PHF20L1: variants seen among roughly 807,000 people sequenced by gnomAD.
PHF20L1 encodes PHD finger protein 20-like protein 1.
PHF20L1 carries 44 observed loss-of-function variants against 125.5 expected under a neutral mutation model. The observed-to-expected ratio is 0.35, with a 90% CI of 0.28 to 0.45. PHF20L1 has a LOEUF of 0.45. Ranked by LOEUF, PHF20L1 falls within the 20% of genes least tolerant of loss-of-function variation. The probability of loss-of-function intolerance (pLI) is 1.00; values close to 1 mark genes in which losing one functional copy is unlikely to be tolerated. For synonymous variants in PHF20L1, 380 were observed against 403.1 expected, an observed-to-expected ratio of 0.94 and a Z score of 0.69; for missense variants, 1,012 against 1,217.2, an observed-to-expected ratio of 0.83 and a Z score of 2.51.
At chr8:132,823,968 C>G in intron 12 of PHF20L1, 36 bp from the exon 13 acceptor site, 1 of 1,292,288 alleles carries the variant, frequency 7.7e-7, no homozygotes, top group South Asian at 1.3e-5. Flanking sequence ...TTAAGTTTTT[C>G]TGATTAAACT....
chr8:132,776,894 G>C (rs1265033427), intron 1 of PHF20L1, among the ~76,000 whole-genome samples: 1 of 152,058 alleles, frequency 6.6e-6, no homozygotes, highest in Non-Finnish European at 1.5e-5. Flanking sequence ...ATCTCAAAAT[G>C]TATTCATATT....
intron 14 of PHF20L1, among the ~76,000 whole-genome samples, chr8:132,825,754 C>G (rs992328386): frequency 6.6e-6 from 1 of 151,968 alleles, no homozygotes; most frequent in African/African-American, 2.4e-5. Flanking sequence ...ATTTGAGAAA[C>G]CAACAGAATT....
At chr8:132,811,282 G>A (rs1421689167) in intron 9 of PHF20L1, 154 bp downstream of exon 9, 4 of 1,395,976 alleles carry the variant, frequency 2.9e-6, no homozygotes, top group Non-Finnish European at 3.7e-6. Context: ...CTTCTCCAAG[G>A]TATACAGATA....
At position 132,804,661 on chromosome 8, in the gene PHF20L1, G is replaced by A. The variant is rs143015316; in HGVS notation, c.768G>A (p.Glu256=). Reference sequence around the variant, plus strand: ...CAAAGATGGTCTTTCCACAGCCAGAGAGCACATTATCAAACAAGAGGAAAA... The same window carrying A: ...CAAAGATGGTCTTTCCACAGCCAGAAAGCACATTATCAAACAAGAGGAAAA... The part of the protein sequence containing the change: ...NVPKMVFPQP[E]STLSNKRKNN... The change falls in exon 8 of 21, where the codon GAG becomes GAA. Residue 256 remains glutamate (E), a synonymous_variant. Transcript: ENST00000395386. 160 of 1,608,976 alleles carry A rather than the reference G, an allele frequency of 9.9e-5. No individual in the cohort carries two copies. The highest frequency in any genetic ancestry group is 1.2e-5 in the Non-Finnish European group (14 of 1,176,300).
At chr8:132,820,900 A>T (rs1217673449) in intron 12 of PHF20L1, among the ~76,000 whole-genome samples, 2 of 151,958 alleles carry the variant, frequency 1.3e-5, no homozygotes, top group African/African-American at 2.4e-5. Flanking sequence ...GAGCCATTTT[A>T]AAAAGTTATT....
At chr8:132,780,005 A>G (rs992935401) in intron 2 of PHF20L1, among the ~76,000 whole-genome samples, 6 of 152,208 alleles carry the variant, frequency 3.9e-5, no homozygotes, top group African/African-American at 1.2e-4. Flanking sequence ...ACATATTATC[A>G]CTGAAACTTG....
chr8:132,821,522 G>A (rs1168996183), intron 12 of PHF20L1, among the ~76,000 whole-genome samples: 2 of 151,816 alleles, frequency 1.3e-5, no homozygotes, highest in Non-Finnish European at 2.9e-5. Flanking sequence ...TTGTTTTTCA[G>A]TTTATTTTCC....
Position 132,798,759 on chromosome 8 carries a change from G to T in PHF20L1, c.341-13G>T. 6.5e-7 allele frequency: 1 copy of T among 1,539,264 alleles called. No homozygotes were observed. Among genetic ancestry groups the T allele is most frequent in the Non-Finnish European group, 9.0e-7 (1 of 1,117,072 alleles). On this transcript the variant is annotated splice_polypyrimidine_tract_variant and intron_variant, in intron 4 of 20. Coordinates refer to ENST00000395386, the MANE Select transcript of PHF20L1 (RefSeq NM_016018.5). Reference sequence around the variant, plus strand: ...TTATATTTTCTAATGATTCTGACTTGCTCCTGTTTCAGGAACATTTACAGT... The same window carrying T: ...TTATATTTTCTAATGATTCTGACTTTCTCCTGTTTCAGGAACATTTACAGT...
At chr8:132,787,373 GTTC>G (rs1831172726) in intron 2 of PHF20L1, among the ~76,000 whole-genome samples, 1 of 152,062 alleles carries the variant, frequency 6.6e-6, no homozygotes, top group South Asian at 2.1e-4. Flanking sequence ...AGCTAATTCT[GTTC>G]TTCTCTTTGT....
intron 9 of PHF20L1, chr8:132,812,462 AAAAG>A (rs1834508286): frequency 2.0e-6 from 2 of 984,862 alleles, no homozygotes; most frequent in Non-Finnish European, 2.4e-6. Flanking sequence ...TTGAATTTAA[AAAAG>A]AAAGGAAAAT....
intron 4 of PHF20L1, among the ~76,000 whole-genome samples, chr8:132,797,644 T>C (rs1390499901): frequency 2.0e-5 from 3 of 152,096 alleles, no homozygotes; most frequent in Non-Finnish European, 4.4e-5. Flanking sequence ...ACATCCTTGC[T>C]ATTCGCCTGA....
Position 132,775,460 on chromosome 8 carries a change from G to A in PHF20L1, c.-223G>A. Reference sequence around the variant, plus strand: ...GACCCTGAGCGAGCTTGAGGGCTCGGACCCAGCTCCCTCCCGCGAAACCTT... The same window carrying A: ...GACCCTGAGCGAGCTTGAGGGCTCGAACCCAGCTCCCTCCCGCGAAACCTT... On this transcript the variant is annotated 5_prime_UTR_variant, in exon 1 of 21. Coordinates refer to ENST00000395386, the MANE Select transcript of PHF20L1 (RefSeq NM_016018.5). The A allele has an allele frequency of 2.6e-6, 1 of 381,870 alleles. No homozygotes were observed. The highest frequency in any genetic ancestry group is 3.8e-5 in the East Asian group (1 of 26,308). The allele number at this position is 381,870 out of a possible 1,614,324, so 23.7% of individuals were successfully genotyped here.
chr8:132,808,435 TTGAG>T (rs1833980709), intron 8 of PHF20L1: 1 of 152,036 alleles, frequency 6.6e-6, no homozygotes, highest in African/African-American at 2.4e-5. Context: ...ATTTCATCTA[TTGAG>T]TATTAAAAAG....
intron 19 of PHF20L1, chr8:132,843,294 G>C (rs1005043661): frequency 2.0e-6 from 2 of 984,914 alleles, no homozygotes; most frequent in Non-Finnish European, 2.4e-6. Flanking sequence ...TAGCATGTTT[G>C]TCAATGCATC....
At chr8:132,824,750 G>T in intron 13 of PHF20L1, 1 of 163,572 alleles carries the variant, frequency 6.1e-6, no homozygotes, top group East Asian at 1.7e-4. Context: ...TTTTTTCCTC[G>T]TGTTCTTAGC....
At chr8:132,819,741 G>T (rs1295096157) in intron 12 of PHF20L1, among the ~76,000 whole-genome samples, 2 of 151,480 alleles carry the variant, frequency 1.3e-5, no homozygotes, top group Non-Finnish European at 2.9e-5. Context: ...TGTTTTGTTG[G>T]TGTCCATATT....
In PHF20L1 at chr8:132,814,786, T is replaced by C; in HGVS notation, c.1080T>C (p.Ser360=). The C allele has an allele frequency of 1.2e-6, 2 of 1,612,970 alleles. No homozygotes were observed. Among genetic ancestry groups the C allele is most frequent in the South Asian group, 2.2e-5 (2 of 91,030 alleles). ...KKCKHESGDS[S]GCIKPPKSPL... ...GCAAACATGAATCTGGAGATTCTTC[T>C]GGGTGTATAAAACCCCCTAAATCAC... Residue 360 remains serine (S), a synonymous_variant, in exon 10 of 21, where the codon TCT becomes TCC. Transcript: ENST00000395386.
At chr8:132,777,689 A>G in intron 1 of PHF20L1, 103 bp from the exon 2 acceptor site, 3 of 588,428 alleles carry the variant, frequency 5.1e-6, no homozygotes, top group East Asian at 2.7e-5. Flanking sequence ...ATTCTCATGT[A>G]TTGTTTTAGA....
intron 4 of PHF20L1, among the ~76,000 whole-genome samples, chr8:132,797,729 T>G (rs2245068): frequency 0.58 from 88,339 of 151,630 alleles, 26,449 homozygotes; most frequent in Admixed American, 0.66. Context: ...TAGAAAGAAA[T>G]AAAATCAAAT....
Sources: allele counts gnomAD v4.1 joint callset (sites outside exome capture counted in the v4.1 genomes callset), GRCh38; gene constraint gnomAD v4.1.1; transcripts MANE v1.5; gene names NCBI Gene and HGNC (gene_info 2026-07-23, HGNC 2026-07-21).